Variants in PAPSS1 observed in about 807,000 individuals in gnomAD.
The protein encoded by PAPSS1 is 3'-phosphoadenosine 5'-phosphosulfate synthase 1.
A neutral mutation model predicts 72.0 loss-of-function variants in PAPSS1; 50 were observed. The observed-to-expected ratio is 0.69, with a 90% CI of 0.55 to 0.88. The LOEUF (loss-of-function observed/expected upper bound fraction) is 0.88, where lower values mean the gene tolerates loss of function less well. PAPSS1 is among the 40% of genes least tolerant of loss of function. The probability of loss-of-function intolerance (pLI) is 0.00; values close to 1 mark genes in which losing one functional copy is unlikely to be tolerated. For synonymous variants in PAPSS1, 261 were observed against 263.6 expected (o/e 0.99, Z 0.09); for missense variants, 657 against 782.2 (o/e 0.84, Z 1.91).
At chr4:107,719,798 A>G (rs1048262098) in intron 1 of PAPSS1, 21 of 1,194,682 alleles carry the variant, frequency 1.8e-5, no homozygotes, top group Non-Finnish European at 2.2e-5. Flanking sequence ...CGGAGGTTTC[A>G]GCAAGCGCCA....
chr4:107,625,550 C>T (rs939271887), intron 11 of PAPSS1, among the ~76,000 whole-genome samples: 1 of 152,164 alleles, frequency 6.6e-6, no homozygotes, highest in Non-Finnish European at 1.5e-5. Flanking sequence ...AGGAACTGAA[C>T]TCGGCTAATA....
chr4:107,709,129 C>G (rs1723422166), intron 1 of PAPSS1, among the ~76,000 whole-genome samples: 1 of 152,154 alleles, frequency 6.6e-6, no homozygotes, highest in Non-Finnish European at 1.5e-5. Context: ...GTTCTTTGCT[C>G]AAACTCTTTT....
chr4:107,631,703 A>G lies in PAPSS1; in HGVS notation c.1664T>C (p.Leu555Ser), dbSNP rs1461276905. ...TGCAACTCGAAAGGGAACTATTTCCAAAGTGATTAAACCAGGGGCCATCGT... is the reference window on the plus strand; with the variant it reads ...TGCAACTCGAAAGGGAACTATTTCCGAAGTGATTAAACCAGGGGCCATCGT... ...VLTMAPGLITLEIVPFRVAAY... is the reference protein window; with the variant it reads ...VLTMAPGLITSEIVPFRVAAY... Residue 555 changes from leucine (L) to serine (S), a missense_variant, in exon 11 of 12, where the codon TTG (leucine) becomes TCG (serine). This residue lies in a region of PAPSS1 where 103 missense variants were observed against 93.8 expected (regional missense o/e 1.10). Coordinates refer to ENST00000265174, the MANE Select transcript of PAPSS1 (RefSeq NM_005443.5). 6.2e-7 allele frequency: 1 copy of G among 1,614,104 alleles called. No individual in the cohort carries two copies. The highest frequency in any genetic ancestry group is 8.5e-7 in the Non-Finnish European group (1 of 1,180,000).
chr4:107,618,847 A>AG (rs1725888198), intron 11 of PAPSS1, among the ~76,000 whole-genome samples: 1 of 152,054 alleles, frequency 6.6e-6, no homozygotes, highest in South Asian at 2.1e-4. Flanking sequence ...CTAGTTATGG[A>AG]GGGGGTCCAG....
chr4:107,715,628 T>G (rs1560595653), intron 1 of PAPSS1, among the ~76,000 whole-genome samples: 1 of 152,208 alleles, frequency 6.6e-6, no homozygotes, highest in Non-Finnish European at 1.5e-5. Flanking sequence ...AATTATTTCA[T>G]TCATTTATTT....
At chr4:107,625,033 C>T (rs1326277261) in intron 11 of PAPSS1, among the ~76,000 whole-genome samples, 2 of 151,806 alleles carry the variant, frequency 1.3e-5, no homozygotes, top group Non-Finnish European at 2.9e-5. Context: ...CTATATAGTG[C>T]GAATAAGAAG....
chr4:107,614,461 C>A, intron 11 of PAPSS1, 74 bp from the exon 12 acceptor site: 1 of 1,155,818 alleles, frequency 8.7e-7, no homozygotes, highest in Non-Finnish European at 1.2e-6. Flanking sequence ...TTTGTTCCTT[C>A]TGTTCATATT....
chr4:107,645,206 A>T (rs1486295167), intron 9 of PAPSS1, 136 bp from the exon 10 acceptor site: 4 of 60,296 alleles, frequency 6.6e-5, no homozygotes, highest in South Asian at 4.0e-4. Context: ...GAAAACTGGT[A>T]AAAAAAAAAA....
At chr4:107,704,806 C>T (rs1723294035) in intron 1 of PAPSS1, among the ~76,000 whole-genome samples, 1 of 152,050 alleles carries the variant, frequency 6.6e-6, no homozygotes, top group South Asian at 2.1e-4. Flanking sequence ...CAAAAATTAG[C>T]CGGGAATGGT....
intron 1 of PAPSS1, among the ~76,000 whole-genome samples, chr4:107,711,113 A>G (rs143834851): frequency 6.6e-6 from 1 of 152,240 alleles, no homozygotes; most frequent in African/African-American, 2.4e-5. Flanking sequence ...AGCTAGATAC[A>G]AGACATTTAT....
intron 1 of PAPSS1, among the ~76,000 whole-genome samples, chr4:107,704,509 T>C (rs1458437076): frequency 2.6e-5 from 4 of 152,248 alleles, no homozygotes; most frequent in Non-Finnish European, 4.4e-5. Flanking sequence ...CCTTATTACG[T>C]TGAAGTACAT....
Position 107,701,676 on chromosome 4 carries a change from G to A in PAPSS1, c.61-391C>T, listed in dbSNP as rs7690090. ...GAGGCCCTACTAGTATGCCATGTGA[G>A]CAAAACAAGGTCACTACCCTCAATT... On this transcript the variant is annotated intron_variant, in intron 1 of 11. Transcript: ENST00000265174. Among the ~76,000 whole-genome samples the A allele has an allele frequency of 9.3e-4, 142 of 152,282 alleles. 1 individual carries two copies. The highest frequency in any genetic ancestry group is 3.3e-3 in the African/African-American group (136 of 41,560).
chr4:107,615,645 T>C (rs1725799192), intron 11 of PAPSS1, among the ~76,000 whole-genome samples: 1 of 152,124 alleles, frequency 6.6e-6, no homozygotes, highest in Non-Finnish European at 1.5e-5. Flanking sequence ...TAGTCCTGAG[T>C]CGAATATTAC....
chr4:107,647,838 C>T (rs1726734389), intron 9 of PAPSS1, among the ~76,000 whole-genome samples: 1 of 152,202 alleles, frequency 6.6e-6, no homozygotes, highest in East Asian at 1.9e-4. Context: ...TCACTGGAAG[C>T]TTACCCCTAC....
intron 1 of PAPSS1, among the ~76,000 whole-genome samples, chr4:107,719,249 T>C (rs1407499446): frequency 6.6e-6 from 1 of 152,218 alleles, no homozygotes; most frequent in Middle Eastern, 3.4e-3. Context: ...CATTTAAACC[T>C]TATTATTCCA....
rs151288096 is a variant in PAPSS1, at chr4:107,678,685, A to G, written c.669+3330T>C. ...AATGGGGGACCGGGGGGTACCAGACACAAGGGGTCCTGCACTCACTCACAA... is the reference window on the plus strand; with the variant it reads ...AATGGGGGACCGGGGGGTACCAGACGCAAGGGGTCCTGCACTCACTCACAA... On this transcript the variant is annotated intron_variant, in intron 5 of 11. Transcript: ENST00000265174. 3.6e-4 allele frequency among the ~76,000 whole-genome samples: 55 copies of G among 152,324 alleles called. No homozygotes were observed. The East Asian group carries it at 9.6e-3, about 27-fold the overall frequency.
intron 5 of PAPSS1, among the ~76,000 whole-genome samples, chr4:107,664,719 T>A (rs1330872003): frequency 6.6e-6 from 1 of 152,186 alleles, no homozygotes; most frequent in Non-Finnish European, 1.5e-5. Context: ...GTAACTAGTT[T>A]GAACATGTAA....
intron 5 of PAPSS1, among the ~76,000 whole-genome samples, chr4:107,666,483 GACC>G (rs1206800623): frequency 6.6e-6 from 1 of 152,108 alleles, no homozygotes; most frequent in African/African-American, 2.4e-5. Context: ...TTATATGAAT[GACC>G]ACTTTATCTA....
chr4:107,627,587 T>C (rs1726131376), intron 11 of PAPSS1, among the ~76,000 whole-genome samples: 1 of 152,182 alleles, frequency 6.6e-6, no homozygotes, highest in Admixed American at 6.5e-5. Flanking sequence ...TAAATTAGAA[T>C]TTTTGACAAT....
Sources: gnomAD v4.1 joint callset for allele counts (sites outside exome capture counted in the v4.1 genomes callset) on GRCh38, gnomAD v4.1.1 for gene constraint, gnomAD v4.1.1 regional missense constraint, MANE v1.5 for transcripts, NCBI Gene and HGNC (gene_info 2026-07-23, HGNC 2026-07-21) for gene names.